Variants in RALGAPA1 observed in about 807,000 individuals in gnomAD.
RALGAPA1 encodes ral GTPase-activating protein subunit alpha-1.
In RALGAPA1, 52 loss-of-function variants were observed where a neutral mutation model predicts 269.6. The observed-to-expected ratio is 0.19, with a 90% confidence interval of 0.15 to 0.24. RALGAPA1 has a LOEUF of 0.24. Ranked by LOEUF, RALGAPA1 falls within the 10% of genes least tolerant of loss-of-function variation. RALGAPA1 has a pLI of 1.00. For synonymous variants in RALGAPA1, 817 were observed against 1,008.3 expected, an observed-to-expected ratio of 0.81 and a Z score of 3.60; for missense variants, 1,917 against 3,013.9, an observed-to-expected ratio of 0.64 and a Z score of 8.52.
At chr14:35,787,253 G>T (rs1023649506) in intron 1 of RALGAPA1, among the ~76,000 whole-genome samples, 6 of 152,154 alleles carry the variant, frequency 3.9e-5, no homozygotes, top group African/African-American at 1.4e-4. Context: ...ATCATTTTCA[G>T]ATTTCAAAGA....
intron 11 of RALGAPA1, among the ~76,000 whole-genome samples, 200 bp from the exon 12 acceptor site, chr14:35,738,850 T>TA (rs1216380831): frequency 6.6e-6 from 1 of 151,990 alleles, no homozygotes; most frequent in South Asian, 2.1e-4. Context: ...AAATATAAAG[T>TA]AAAAAACAAC....
In RALGAPA1 at chr14:35,797,413, A is replaced by T. The variant is rs1395794153; in HGVS notation, c.106+11317T>A. On this transcript the variant is annotated intron_variant, in intron 1 of 41. Transcript: ENST00000680220. ...TTTCAGACAAACAAAAGCATAAAGA[A>T]TCCATCACATACAGAGGAAGAGGAA... Among the ~76,000 whole-genome samples the T allele has an allele frequency of 1.4e-4, 22 of 152,098 alleles. 1 individual carries two copies. Among genetic ancestry groups the T allele is most frequent in the Admixed American group, 1.4e-3 (22 of 15,258 alleles).
intron 37 of RALGAPA1, among the ~76,000 whole-genome samples, chr14:35,589,823 C>A (rs952304816): frequency 1.1e-4 from 16 of 152,078 alleles, no homozygotes; most frequent in African/African-American, 3.9e-4. Context: ...ACCTCAGCCT[C>A]CAAATAGCTG....
chr14:35,555,044 G>A (rs1356861704), intron 39 of RALGAPA1, among the ~76,000 whole-genome samples: 1 of 152,094 alleles, frequency 6.6e-6, no homozygotes. Context: ...CCTAGAACTG[G>A]ATTTAGACTT....
At chr14:35,643,940 A>C (rs987628571) in intron 31 of RALGAPA1, among the ~76,000 whole-genome samples, 3 of 152,210 alleles carry the variant, frequency 2.0e-5, no homozygotes, top group Non-Finnish European at 4.4e-5. Flanking sequence ...GTTCTAAAAA[A>C]TAGAAAGAAT....
At chr14:35,792,804 A>AAAGG (rs1208013066) in intron 1 of RALGAPA1, among the ~76,000 whole-genome samples, 1 of 135,738 alleles carries the variant, frequency 7.4e-6, no homozygotes, top group Non-Finnish European at 1.6e-5. Flanking sequence ...AGAAAGAAAG[A>AAAGG]GAAAGAAAGA....
chr14:35,595,510 G>T, intron 37 of RALGAPA1, 124 bp downstream of exon 37: 1 of 817,758 alleles, frequency 1.2e-6, no homozygotes, highest in Non-Finnish European at 2.1e-6. Flanking sequence ...AGACAGCACT[G>T]GGTGGAGTGG....
chr14:35,803,450 A>G (rs1029631744), intron 1 of RALGAPA1, among the ~76,000 whole-genome samples: 3 of 151,924 alleles, frequency 2.0e-5, no homozygotes, highest in Non-Finnish European at 2.9e-5. Flanking sequence ...ATACAAAATA[A>G]AAAAAATAAA....
intron 10 of RALGAPA1, among the ~76,000 whole-genome samples, chr14:35,746,480 C>T (rs933999166): frequency 6.6e-6 from 1 of 151,960 alleles, no homozygotes; most frequent in Non-Finnish European, 1.5e-5. Context: ...AGTAATCATC[C>T]GCAATGTACA....
intron 1 of RALGAPA1, among the ~76,000 whole-genome samples, chr14:35,792,817 GAGAAAGAA>G (rs72124498): frequency 0.15 from 18,342 of 119,400 alleles, 1,418 homozygotes; most frequent in African/African-American, 0.21. Flanking sequence ...AAGAAAGAAA[GAGAAAGAA>G]AGAAAGAAAG....
chr14:35,642,184 G>A (rs1307924114), intron 31 of RALGAPA1, among the ~76,000 whole-genome samples: 1 of 152,106 alleles, frequency 6.6e-6, no homozygotes, highest in East Asian at 1.9e-4. Context: ...GCATTGGACT[G>A]GGCAGATTTC....
At chr14:35,626,306 A>G (rs903520930) in intron 34 of RALGAPA1, among the ~76,000 whole-genome samples, 1 of 152,146 alleles carries the variant, frequency 6.6e-6, no homozygotes, top group Non-Finnish European at 1.5e-5. Flanking sequence ...CTTGACATAC[A>G]TTTGAATTAC....
intron 6 of RALGAPA1, among the ~76,000 whole-genome samples, chr14:35,758,243 C>CAAAAAAAAAAAAAAAAAA (rs66473514): frequency 4.0e-5 from 2 of 49,728 alleles, no homozygotes; most frequent in African/African-American, 7.3e-5. Flanking sequence ...GACTCTGTCT[C>CAAAAAAAAAAAAAAAAAA]AAAAAAAAAA....
chr14:35,692,754 T>C (rs746985557), intron 17 of RALGAPA1, among the ~76,000 whole-genome samples: 3 of 151,984 alleles, frequency 2.0e-5, no homozygotes, highest in Non-Finnish European at 4.4e-5. Flanking sequence ...TTATGCTAAA[T>C]TCAGATCAAG....
Position 35,766,329 on chromosome 14 carries a change from T to C in RALGAPA1, c.326-3576A>G, listed in dbSNP as rs192067976. ...CACAGCACAGGATCCTGTTAAACCA[T>C]TCATGATTCCCAGTTTGACAAATGT... On this transcript the variant is annotated intron_variant, in intron 4 of 41. Transcript: ENST00000680220. The C allele has an allele frequency of 3.8e-4, 440 of 1,146,992 alleles. 2 individuals are homozygous for C. The East Asian group carries it at 1.0e-2, about 26-fold the overall frequency. 71.1% of individuals were successfully genotyped at this position (1,146,992 alleles called of 1,614,324 possible).
intron 37 of RALGAPA1, among the ~76,000 whole-genome samples, chr14:35,580,887 T>C (rs1049657904): frequency 2.6e-5 from 4 of 152,166 alleles, no homozygotes; most frequent in Admixed American, 2.6e-4. Context: ...ATTAAACTCC[T>C]TGCTGAGGTC....
At chr14:35,654,903 C>T (rs926972709) in intron 29 of RALGAPA1, among the ~76,000 whole-genome samples, 3 of 152,174 alleles carry the variant, frequency 2.0e-5, no homozygotes, top group East Asian at 1.9e-4. Context: ...TGCTTCTCTA[C>T]GTCCACATTT....
At chr14:35,773,426 T>C (rs190345895) in intron 3 of RALGAPA1, among the ~76,000 whole-genome samples, 34 of 152,024 alleles carry the variant, frequency 2.2e-4, no homozygotes, top group Non-Finnish European at 4.0e-4. Flanking sequence ...TCTAATAAAA[T>C]TTAGTGATCC....
At chr14:35,728,126 G>A (rs1469850476) in intron 13 of RALGAPA1, among the ~76,000 whole-genome samples, 1 of 152,154 alleles carries the variant, frequency 6.6e-6, no homozygotes, top group Non-Finnish European at 1.5e-5. Context: ...GGAGGATGAG[G>A]CCATTATATG....
Sources: allele counts gnomAD v4.1 joint callset (sites outside exome capture counted in the v4.1 genomes callset), GRCh38; gene constraint gnomAD v4.1.1; transcripts MANE v1.5; gene names NCBI Gene and HGNC (gene_info 2026-07-23, HGNC 2026-07-21).